RBFOX1: variants seen among roughly 807,000 people sequenced by gnomAD.
The protein encoded by RBFOX1 is RNA binding protein fox-1 homolog 1.
Under a neutral mutation model 57.7 loss-of-function variants are expected in RBFOX1, and 8 were observed. The ratio of observed to expected loss-of-function variants is 0.14; its 90% CI spans 0.08 to 0.25. RBFOX1 has a LOEUF of 0.25. Among genes scored for constraint, RBFOX1 ranks in the 10% least tolerant of loss-of-function variants. The pLI is 1.00. For missense variants in RBFOX1, 611 were observed against 548.5 expected (o/e 1.11, Z -1.14); for synonymous variants, 326 against 222.4 (o/e 1.47, Z -4.15).
At chr16:6,900,111 GTTTA>G (rs1266330440) in intron 3 of RBFOX1, among the ~76,000 whole-genome samples, 1 of 152,024 alleles carries the variant, frequency 6.6e-6, no homozygotes, top group East Asian at 1.9e-4. Flanking sequence ...TGAAACAAAG[GTTTA>G]TTTGAGTTTT....
At chr16:5,264,938 A>G (rs2062822277) in intron 1 of RBFOX1, among the ~76,000 whole-genome samples, 1 of 152,184 alleles carries the variant, frequency 6.6e-6, no homozygotes, top group Admixed American at 6.5e-5. Flanking sequence ...TGAAGTTACC[A>G]AGATTTAGGA....
At chr16:5,609,860 CTG>C (rs2047712542) in intron 3 of RBFOX1, among the ~76,000 whole-genome samples, 3 of 138,530 alleles carry the variant, frequency 2.2e-5, no homozygotes, top group Admixed American at 1.6e-4. Context: ...GAGCAGAGGA[CTG>C]TGCAGAGACG....
chr16:5,895,171 T>A (rs539975246), intron 4 of RBFOX1, among the ~76,000 whole-genome samples: 1 of 152,346 alleles, frequency 6.6e-6, no homozygotes, highest in East Asian at 1.9e-4. Flanking sequence ...ATATCAACAT[T>A]TCATGCCCTT....
chr16:7,001,311 T>G (rs1312232232), intron 3 of RBFOX1, among the ~76,000 whole-genome samples: 1 of 152,106 alleles, frequency 6.6e-6, no homozygotes, highest in Non-Finnish European at 1.5e-5. Flanking sequence ...GTGTTCCTGG[T>G]CAACTTATGT....
At chr16:7,387,383 T>A (rs1404064886) in intron 4 of RBFOX1, among the ~76,000 whole-genome samples, 1 of 152,202 alleles carries the variant, frequency 6.6e-6, no homozygotes, top group Non-Finnish European at 1.5e-5. Context: ...GTGGATTCTC[T>A]AAGTCCAGAA....
chr16:5,639,190 C>T (rs780774180), intron 3 of RBFOX1, among the ~76,000 whole-genome samples: 9 of 152,136 alleles, frequency 5.9e-5, no homozygotes, highest in East Asian at 1.9e-4. Context: ...CTTCCTCTTG[C>T]GTGATACGTT....
intron 1 of RBFOX1, among the ~76,000 whole-genome samples, chr16:6,111,119 G>A (rs11864918): frequency 0.042 from 6,348 of 152,142 alleles, 238 homozygotes; most frequent in African/African-American, 0.094. Flanking sequence ...GGCGAGAGAG[G>A]GAGATCATGA....
At chr16:7,173,713 A>G (rs1193666962) in intron 4 of RBFOX1, among the ~76,000 whole-genome samples, 1 of 152,162 alleles carries the variant, frequency 6.6e-6, no homozygotes, top group Non-Finnish European at 1.5e-5. Flanking sequence ...TTTTATTTTA[A>G]TCATCTGTAA....
At chr16:7,047,855 G>T (rs1201391295) in intron 3 of RBFOX1, among the ~76,000 whole-genome samples, 1 of 150,372 alleles carries the variant, frequency 6.7e-6, no homozygotes, top group East Asian at 2.0e-4. Context: ...CACCTTCAGT[G>T]AGATTTTATT....
At chr16:7,440,356 C>G (rs151153102) in intron 4 of RBFOX1, among the ~76,000 whole-genome samples, 87 of 152,174 alleles carry the variant, frequency 5.7e-4, no homozygotes, top group Middle Eastern at 3.4e-3. Context: ...TTAAGGTAAG[C>G]TTTCGAGGAG....
At chr16:5,936,422 C>T (rs2152257329) in intron 4 of RBFOX1, among the ~76,000 whole-genome samples, 1 of 152,218 alleles carries the variant, frequency 6.6e-6, no homozygotes, top group Non-Finnish European at 1.5e-5. Flanking sequence ...CTGCACCTGG[C>T]CATTAGGGAG....
At chr16:5,952,286 G>T (rs2059537307) in intron 4 of RBFOX1, among the ~76,000 whole-genome samples, 1 of 151,916 alleles carries the variant, frequency 6.6e-6, no homozygotes, top group Non-Finnish European at 1.5e-5. Context: ...GAGTAGCTGG[G>T]ATTACAGGCG....
Position 7,365,778 on chromosome 16 carries a change from C to T in RBFOX1, c.28-152369C>T, listed in dbSNP as rs561689780. ...TAAGAGATGTAAACACAACTCAAGT[C>T]AGTGTATGCAAAGTGATGACTCAAC... On this transcript the variant is annotated intron_variant, in intron 4 of 15. Coordinates refer to ENST00000550418, the MANE Select transcript of RBFOX1 (RefSeq NM_018723.4). 1.6e-4 allele frequency among the ~76,000 whole-genome samples: 24 copies of T among 152,312 alleles called. No individual in the cohort carries two copies. The South Asian group carries it at 4.8e-3, about 30-fold the overall frequency.
intron 14 of RBFOX1, among the ~76,000 whole-genome samples, chr16:7,677,159 A>ACACACACACACACACACACACACC (rs1568412758): frequency 3.3e-5 from 5 of 151,324 alleles, no homozygotes; most frequent in South Asian, 2.1e-4. Context: ...ACACACACAC[A>ACACACACACACACACACACACACC]CCGTACAACC....
At chr16:6,735,780 G>A (rs766763743) in intron 3 of RBFOX1, among the ~76,000 whole-genome samples, 1 of 152,182 alleles carries the variant, frequency 6.6e-6, no homozygotes, top group Non-Finnish European at 1.5e-5. Context: ...GTGGTGATCT[G>A]TGGTTCCTCT....
intron 6 of RBFOX1, among the ~76,000 whole-genome samples, chr16:7,584,444 C>CTGTAA: frequency 6.6e-6 from 1 of 152,176 alleles, no homozygotes; most frequent in Non-Finnish European, 1.5e-5. Flanking sequence ...AGGCTCCTAC[C>CTGTAA]ACCATGACTG....
At chr16:6,139,054 C>G (rs1046116553) in intron 1 of RBFOX1, among the ~76,000 whole-genome samples, 8 of 152,080 alleles carry the variant, frequency 5.3e-5, no homozygotes, top group South Asian at 2.1e-4. Flanking sequence ...TTACTATATA[C>G]AGTTATTAGT....
chr16:6,637,557 T>TAGA (rs1461503571), intron 2 of RBFOX1, among the ~76,000 whole-genome samples: 6 of 134,530 alleles, frequency 4.5e-5, no homozygotes, highest in Non-Finnish European at 9.2e-5. Context: ...GCATAGTATA[T>TAGA]ATAATATTCT....
intron 4 of RBFOX1, among the ~76,000 whole-genome samples, chr16:7,175,134 C>T (rs1340107440): frequency 2.0e-5 from 3 of 151,898 alleles, no homozygotes; most frequent in Admixed American, 6.6e-5. Flanking sequence ...CTGCACCTAT[C>T]AACCCATCAC....
Sources: gnomAD v4.1 joint callset for allele counts (sites outside exome capture counted in the v4.1 genomes callset) on GRCh38, gnomAD v4.1.1 for gene constraint, MANE v1.5 for transcripts, NCBI Gene and HGNC (gene_info 2026-07-23, HGNC 2026-07-21) for gene names.